CASP1: variants seen among roughly 807,000 people sequenced by gnomAD.
CASP1 encodes caspase 1, also known as caspase-1.
In CASP1, 31 loss-of-function variants were observed where a neutral mutation model predicts 41.2. That is an observed-to-expected ratio of 0.75 (90% CI 0.57 to 1.02). The LOEUF is 1.02. CASP1 is among the 50% of genes least tolerant of loss of function. The probability of loss-of-function intolerance (pLI) is 0.00; values close to 1 mark genes in which losing one functional copy is unlikely to be tolerated. For missense variants in CASP1, 490 were observed against 495.7 expected, an observed-to-expected ratio of 0.99 and a Z score of 0.11; for synonymous variants, 163 against 166.5, an observed-to-expected ratio of 0.98 and a Z score of 0.16.
Position 105,031,175 on chromosome 11 carries a change from T to A in CASP1, c.443A>T (p.Lys148Met), listed in dbSNP as rs997621124. The change falls in exon 4 of 9, where the codon AAG (lysine) becomes ATG (methionine). Residue 148 changes from lysine (K) to methionine (M), a missense_variant. Coordinates refer to ENST00000533400, the MANE Select transcript of CASP1 (RefSeq NM_001257118.3). ...TTCTGAGCATGGCACCTCTGCCGAC[T>A]TTTGTTTCCATATCCTTTGAGCTTC... ...LEEAQRIWKQKSAEIYPIMDK... is the reference protein window; with the variant it reads ...LEEAQRIWKQMSAEIYPIMDK... 2 of 1,606,972 alleles carry A rather than the reference T, an allele frequency of 1.2e-6. No individual in the cohort carries two copies. Among genetic ancestry groups the A allele is most frequent in the Non-Finnish European group, 1.7e-6 (2 of 1,173,870 alleles).
chr11:105,025,977 A>G lies in CASP1; in HGVS notation c.*281T>C, dbSNP rs1591188646. The G allele has an allele frequency of 3.3e-6, 1 of 301,916 alleles. No individual in the cohort carries two copies. Among genetic ancestry groups the G allele is most frequent in the Non-Finnish European group, 6.2e-6 (1 of 161,832 alleles). 18.7% of individuals were successfully genotyped at this position (301,916 alleles called of 1,614,324 possible). A position where few individuals can be genotyped will look rare whatever the true frequency, so the allele number is the denominator to read the frequency against. ...TATTTCAAATTTCAGATATTTTTGTATATTGGAATTCAGCTGTATACTTAC... is the reference window on the plus strand; with the variant it reads ...TATTTCAAATTTCAGATATTTTTGTGTATTGGAATTCAGCTGTATACTTAC... On this transcript the variant is annotated 3_prime_UTR_variant, in exon 9 of 9. Coordinates refer to ENST00000533400, the MANE Select transcript of CASP1 (RefSeq NM_001257118.3).
chr11:105,035,778 G>C (rs941835857), upstream of CASP1, among the ~76,000 whole-genome samples: 4 of 151,880 alleles, frequency 2.6e-5, no homozygotes, highest in Non-Finnish European at 4.4e-5. Context: ...ACCATGGCCA[G>C]CTAATATTTG....
intron 7 of CASP1, among the ~76,000 whole-genome samples, chr11:105,028,678 C>T (rs1863474869): frequency 6.6e-6 from 1 of 152,074 alleles, no homozygotes; most frequent in Admixed American, 6.6e-5. Flanking sequence ...TATTCTGTCT[C>T]ACACACTTCA....
intron 3 of CASP1, among the ~76,000 whole-genome samples, 161 bp from the exon 4 acceptor site, chr11:105,031,441 A>C (rs189373708): frequency 9.1e-4 from 139 of 152,278 alleles, no homozygotes; most frequent in African/African-American, 3.3e-3. Flanking sequence ...GTTTGCTCCT[A>C]ATGGAGCACA....
chr11:105,028,219 C>A (rs1863443948), intron 7 of CASP1, among the ~76,000 whole-genome samples: 1 of 152,010 alleles, frequency 6.6e-6, no homozygotes, highest in African/African-American at 2.4e-5. Flanking sequence ...CAATGTAGAA[C>A]CAAGCTTCTT....
upstream of CASP1, among the ~76,000 whole-genome samples, chr11:105,036,041 G>C (rs1214328103): frequency 2.0e-5 from 3 of 151,996 alleles, no homozygotes; most frequent in Non-Finnish European, 4.4e-5. Flanking sequence ...CCTATGCATT[G>C]GTTCCTCTGT....
chr11:105,026,243 T>C lies in CASP1; in HGVS notation c.*15A>G. The C allele has an allele frequency of 3.3e-6, 5 of 1,522,474 alleles. No homozygotes were observed. The South Asian group carries it at 4.5e-5, about 14-fold the overall frequency. 94.3% of individuals were successfully genotyped at this position (1,522,474 alleles called of 1,614,324 possible). A position where few individuals can be genotyped will look rare whatever the true frequency, so the allele number is the denominator to read the frequency against. On this transcript the variant is annotated 3_prime_UTR_variant, in exon 9 of 9. Transcript: ENST00000533400. The stretch of plus-strand genomic sequence containing the variant: ...ACATGTACCTGCCCACAGACATTCA[T>C]ACAGTTTCCTTATTTTAATGTCCTG...
chr11:105,032,033 A>G (rs1021575015), intron 3 of CASP1, among the ~76,000 whole-genome samples: 2 of 152,198 alleles, frequency 1.3e-5, no homozygotes, highest in African/African-American at 4.8e-5. Flanking sequence ...TCCTTGTTAA[A>G]GAAATTAATG....
In CASP1 at chr11:105,025,773, A is replaced by G. The variant is rs1468209032; in HGVS notation, c.*485T>C. ...TGAAGGAGAGAAACATCCAAAAGTG[A>G]GGGTTTGTAGTCTTACGGCCACTTC... is the stretch of plus-strand genomic sequence containing the variant. On this transcript the variant is annotated 3_prime_UTR_variant, in exon 9 of 9. Transcript: ENST00000533400. The G allele has an allele frequency of 1.4e-5, 4 of 285,862 alleles. No individual in the cohort carries two copies. The highest frequency in any genetic ancestry group is 9.0e-5 in the African/African-American group (4 of 44,294). The allele number at this position is 285,862 out of a possible 1,614,324, so 17.7% of individuals were successfully genotyped here.
chr11:105,029,352 A>G, intron 6 of CASP1, 85 bp from the exon 7 acceptor site: 2 of 1,163,934 alleles, frequency 1.7e-6, no homozygotes, highest in South Asian at 3.0e-5. Context: ...GATATTTATT[A>G]ATGTGTTTGC....
At position 105,029,650 on chromosome 11, in the gene CASP1, G is replaced by T. The variant is rs371852986; in HGVS notation, c.862+15C>A. ...TATTTGATTGTCTGGTGTTCTCAAA[G>T]GCATCAGCACTCACCACCACGGCAG... On this transcript the variant is annotated intron_variant, in intron 6 of 8. Transcript: ENST00000533400. 376 of 1,569,196 alleles carry T rather than the reference G, an allele frequency of 2.4e-4. No individual in the cohort carries two copies. The highest frequency in any genetic ancestry group is 2.9e-4 in the Non-Finnish European group (334 of 1,139,656).
chr11:105,031,317 C>G (rs748227609), intron 3 of CASP1, 37 bp from the exon 4 acceptor site: 10 of 1,179,786 alleles, frequency 8.5e-6, no homozygotes, highest in Non-Finnish European at 1.3e-5. Flanking sequence ...CAGTGGCATC[C>G]CTGTTTGTTC....
In CASP1 at chr11:105,026,435, A is replaced by T. The variant is rs987566825; in HGVS notation, c.1117-79T>A. 10 of 855,040 alleles carry T rather than the reference A, an allele frequency of 1.2e-5. No homozygotes were observed. The South Asian group carries it at 1.5e-4, about 12-fold the overall frequency. 53.0% of individuals were successfully genotyped at this position (855,040 alleles called of 1,614,324 possible). A position where few individuals can be genotyped will look rare whatever the true frequency, so the allele number is the denominator to read the frequency against. On this transcript the variant is annotated intron_variant, in intron 8 of 8. Coordinates refer to ENST00000533400, the MANE Select transcript of CASP1 (RefSeq NM_001257118.3). ...AAGAATTTCTTGAGTTATGCCAAAA[A>T]ACTACAACAAATATAGCAAAATAAG... is the stretch of plus-strand genomic sequence containing the variant.
At chr11:105,034,109 A>G in intron 2 of CASP1, 99 bp downstream of exon 2, 7 of 1,600,514 alleles carry the variant, frequency 4.4e-6, no homozygotes, top group Non-Finnish European at 6.0e-6. Context: ...GCCAGAAATA[A>G]GAAAGTTTTC....
At chr11:105,032,818 A>G (rs1483299947) in intron 3 of CASP1, among the ~76,000 whole-genome samples, 3 of 152,210 alleles carry the variant, frequency 2.0e-5, no homozygotes, top group Non-Finnish European at 4.4e-5. Flanking sequence ...GTAGGCTTAA[A>G]TAATGAAGTT....
chr11:105,035,206 C>T, upstream of CASP1: 4 of 1,489,402 alleles, frequency 2.7e-6, no homozygotes, highest in African/African-American at 4.1e-5. Context: ...GGGAAATACT[C>T]ACTGTGCATG....
chr11:105,029,865 C>T lies in CASP1; in HGVS notation c.662G>A (p.Arg221His), dbSNP rs142765993. The T allele has an allele frequency of 1.8e-4, 295 of 1,613,490 alleles. No individual in the cohort carries two copies. The highest frequency in any genetic ancestry group is 2.2e-4 in the East Asian group (10 of 44,882). Residue 221 changes from arginine to histidine, a missense_variant, in exon 6 of 9, where the codon CGC becomes CAC. Transcript: ENST00000533400. Reference sequence around the variant, plus strand: ...GCTGTCAGAGGTCTTGTGCTCTGGGCGGTGTGCAAATGCCTCCAGCTCTGT... The same window carrying T: ...GCTGTCAGAGGTCTTGTGCTCTGGGTGGTGTGCAAATGCCTCCAGCTCTGT... ...MTTELEAFAH[R>H]PEHKTSDSTF...
intron 1 of CASP1, chr11:105,034,750 G>C: frequency 1.6e-6 from 1 of 619,074 alleles, no homozygotes; most frequent in Non-Finnish European, 2.8e-6. Context: ...ATTTAACTCT[G>C]GTTAATAAAG....
At chr11:105,033,161 T>C (rs1863799482) in intron 2 of CASP1, 35 bp from the exon 3 acceptor site, 7 of 1,309,568 alleles carry the variant, frequency 5.3e-6, no homozygotes, top group Non-Finnish European at 7.6e-6. Flanking sequence ...AGTAGTCACT[T>C]ATCATCTCTG....
Sources: gnomAD v4.1 joint callset for allele counts (sites outside exome capture counted in the v4.1 genomes callset) on GRCh38, gnomAD v4.1.1 for gene constraint, MANE v1.5 for transcripts, NCBI Gene and HGNC (gene_info 2026-07-23, HGNC 2026-07-21) for gene names.